TPGS1: variants seen among roughly 807,000 people sequenced by gnomAD.
TPGS1 encodes the protein tubulin polyglutamylase complex subunit 1.
TPGS1 carries 18 observed loss-of-function variants against 11.9 expected under a neutral mutation model. The ratio of observed to expected loss-of-function variants is 1.51; its 90% confidence interval spans 1.04 to 2.24. The LOEUF is 2.24. TPGS1 is among the 30% of genes most tolerant of loss of function. TPGS1 has a pLI of 0.00. For synonymous variants in TPGS1, 247 were observed against 218.2 expected (o/e 1.13, Z -1.16); for missense variants, 500 against 443.0 (o/e 1.13, Z -1.16).
Position 507,727 on chromosome 19 carries a change from T to G in TPGS1, c.221T>G (p.Met74Arg), listed in dbSNP as rs1978663424. The G allele has an allele frequency of 7.1e-7, 1 of 1,400,298 alleles. No homozygotes were observed. The highest frequency in any genetic ancestry group is 9.3e-7 in the Non-Finnish European group (1 of 1,073,306). 86.7% of individuals were successfully genotyped at this position (1,400,298 alleles called of 1,614,324 possible). A position where few individuals can be genotyped will look rare whatever the true frequency, so the allele number is the denominator to read the frequency against. The change falls in exon 1 of 2, where the codon ATG becomes AGG. Residue 74 changes from methionine to arginine, a missense_variant. Physicochemically the swap from Met to Arg is moderately conservative, Grantham distance 91. Transcript: ENST00000359315. ...TTCCTGGCTCACTACTTCGAGAACA[T>G]GGGCCTGCGCTCGCCTGTAAACGGC... ...IAFLAHYFEN[M>R]GLRSPVNGGA... is the part of the protein sequence containing the mutation.
At chr19:510,737 G>A (rs868029302) in intron 1 of TPGS1, among the ~76,000 whole-genome samples, 12 of 152,166 alleles carry the variant, frequency 7.9e-5, no homozygotes, top group African/African-American at 2.2e-4. Context: ...CAGCCACCAC[G>A]TTGCTCATCC....
Position 507,755 on chromosome 19 carries a change from C to T in TPGS1, c.249C>T (p.Gly83=). The T allele has an allele frequency of 7.2e-7, 1 of 1,394,942 alleles. No individual in the cohort carries two copies. Among genetic ancestry groups the T allele is most frequent in the South Asian group, 1.6e-5 (1 of 63,220 alleles). 86.4% of individuals were successfully genotyped at this position (1,394,942 alleles called of 1,614,324 possible). The change falls in exon 1 of 2, where the codon GGC becomes GGT. Residue 83 remains glycine, a synonymous_variant. Transcript: ENST00000359315. ...GCCTGCGCTCGCCTGTAAACGGCGGCGCCGGGGAGCCCCCGGGCCAGCTCC... is the reference window on the plus strand; with the variant it reads ...GCCTGCGCTCGCCTGTAAACGGCGGTGCCGGGGAGCCCCCGGGCCAGCTCC... ...NMGLRSPVNG[G]AGEPPGQLLL... is the part of the protein sequence containing the mutation.
At position 519,217 on chromosome 19, in the gene TPGS1, G is replaced by T. The variant is rs574484899; in HGVS notation, c.667G>T (p.Asp223Tyr). 2.3e-5 allele frequency: 32 copies of T among 1,419,462 alleles called. No homozygotes were observed. Among genetic ancestry groups the T allele is most frequent in the South Asian group, 3.0e-5 (2 of 67,776 alleles). The allele number at this position is 1,419,462 out of a possible 1,614,324, so 87.9% of individuals were successfully genotyped here. Residue 223 changes from aspartate to tyrosine, a missense_variant, in exon 2 of 2, where the codon GAC becomes TAC. Physicochemically the swap from Asp to Tyr is radical, Grantham distance 160 (BLOSUM62 -3). Transcript: ENST00000359315. ...CCGCCGCGTGGGCCAGGCCGTGCTG[G>T]ACACCCTGGAGGGCGCGCTGCAGGC... ...ADRRVGQAVL[D>Y]TLEGALQASD...
intron 1 of TPGS1, among the ~76,000 whole-genome samples, chr19:513,171 G>A (rs1019373777): frequency 6.6e-6 from 1 of 152,336 alleles, no homozygotes; most frequent in African/African-American, 2.4e-5. Context: ...GAGGGGCCCC[G>A]GTGCGGCTCC....
chr19:507,679 C>A lies in TPGS1; in HGVS notation c.173C>A (p.Ala58Glu). 1.5e-6 allele frequency: 2 copies of A among 1,379,060 alleles called. No individual in the cohort carries two copies. Among genetic ancestry groups the A allele is most frequent in the Non-Finnish European group, 9.5e-7 (1 of 1,055,856 alleles). The allele number at this position is 1,379,060 out of a possible 1,614,324, so 85.4% of individuals were successfully genotyped here. A position where few individuals can be genotyped will look rare whatever the true frequency, so the allele number is the denominator to read the frequency against. ...GCGGCCCTGCTGAAGGTGCTGGAGG[C>A]GCGGCCCGAGGAGCCGATCGCCTTC... ...LRAALLKVLE[A>E]RPEEPIAFLA... Residue 58 changes from alanine to glutamate, a missense_variant, in exon 1 of 2, where the codon GCG becomes GAG. By Grantham distance (107) the Ala-to-Glu change is moderately radical (BLOSUM62 -1). Coordinates refer to ENST00000359315, the MANE Select transcript of TPGS1 (RefSeq NM_033513.3).
At chr19:508,448 A>G (rs540500662) in intron 1 of TPGS1, 1 of 152,402 alleles carries the variant, frequency 6.6e-6, no homozygotes, top group African/African-American at 2.4e-5. Flanking sequence ...TGGCTGAAGC[A>G]TGCGAGGCTG....
intron 1 of TPGS1, among the ~76,000 whole-genome samples, chr19:512,977 G>A (rs1401130856): frequency 6.6e-6 from 1 of 152,208 alleles, no homozygotes; most frequent in South Asian, 2.1e-4. Context: ...GCCGCCTCGC[G>A]TCGAGCCCCG....
chr19:516,043 AAAAAGGAAGAAAG>A (rs1442584752), intron 1 of TPGS1, among the ~76,000 whole-genome samples: 1 of 131,338 alleles, frequency 7.6e-6, no homozygotes, highest in African/African-American at 2.5e-5. Flanking sequence ...AAAAAAAAAA[AAAAAGGAAGAAAG>A]AAAGAAAGAA....
chr19:513,766 C>T (rs1371739720), intron 1 of TPGS1, among the ~76,000 whole-genome samples: 1 of 151,738 alleles, frequency 6.6e-6, no homozygotes, highest in Non-Finnish European at 1.5e-5. Context: ...CACACCAGCC[C>T]AGCATTACTG....
At position 512,687 on chromosome 19, in the gene TPGS1, C is replaced by T. The variant is rs112926602; in HGVS notation, c.338+4843C>T. Among the ~76,000 whole-genome samples the T allele has an allele frequency of 1.8e-3, 279 of 152,356 alleles. 1 individual carries two copies. Among genetic ancestry groups the T allele is most frequent in the African/African-American group, 6.5e-3 (270 of 41,592 alleles). On this transcript the variant is annotated intron_variant, in intron 1 of 1. Coordinates refer to ENST00000359315, the MANE Select transcript of TPGS1 (RefSeq NM_033513.3). Reference sequence around the variant, plus strand: ...GGAGGGATCCGCGGAGCAGCGCTGCCGTCGCCAGCCTTCGAGATGCCCCTG... The same window carrying T: ...GGAGGGATCCGCGGAGCAGCGCTGCTGTCGCCAGCCTTCGAGATGCCCCTG...
At chr19:517,296 TTGCAGAGGCCC>T (rs1056232447) in intron 1 of TPGS1, among the ~76,000 whole-genome samples, 6 of 138,978 alleles carry the variant, frequency 4.3e-5, no homozygotes, top group African/African-American at 1.7e-4. Flanking sequence ...GTCACGGCCC[TTGCAGAGGCCC>T]TGAGGCCGGT....
chr19:507,946 G>A (rs763848502), intron 1 of TPGS1, 102 bp downstream of exon 1: 41 of 963,044 alleles, frequency 4.3e-5, no homozygotes, highest in Non-Finnish European at 5.5e-5. Context: ...AGGGGCCCGG[G>A]GCTTGCTGGG....
intron 1 of TPGS1, among the ~76,000 whole-genome samples, chr19:514,141 T>C (rs2145833377): frequency 6.6e-6 from 1 of 150,454 alleles, no homozygotes; most frequent in South Asian, 2.1e-4. Context: ...AGCCCTGTAT[T>C]ACTGAGCACC....
At chr19:516,448 C>G (rs1013844792) in intron 1 of TPGS1, among the ~76,000 whole-genome samples, 1 of 151,654 alleles carries the variant, frequency 6.6e-6, no homozygotes, top group Non-Finnish European at 1.5e-5. Flanking sequence ...GCAGTGGCGC[C>G]ATCTTGGCTC....
chr19:513,208 G>A (rs564739284), intron 1 of TPGS1, among the ~76,000 whole-genome samples: 2 of 152,356 alleles, frequency 1.3e-5, no homozygotes, highest in East Asian at 3.9e-4. Context: ...GAGGTCAGGC[G>A]TGATGGGAGC....
In TPGS1 at chr19:519,203, G is replaced by A; in HGVS notation, c.653G>A (p.Gly218Asp). 2.7e-6 allele frequency: 4 copies of A among 1,465,754 alleles called. No homozygotes were observed. The highest frequency in any genetic ancestry group is 2.7e-6 in the Non-Finnish European group (3 of 1,116,540). 90.8% of individuals were successfully genotyped at this position (1,465,754 alleles called of 1,614,324 possible). A position where few individuals can be genotyped will look rare whatever the true frequency, so the allele number is the denominator to read the frequency against. The change falls in exon 2 of 2, where the codon GGC becomes GAC. Residue 218 changes from glycine to aspartate, a missense_variant. Gly to Asp is a moderately conservative substitution (Grantham distance 94). Transcript: ENST00000359315. ...GCCGCCGTGGCCGACCGCCGCGTGG[G>A]CCAGGCCGTGCTGGACACCCTGGAG... ...SAAAVADRRV[G>D]QAVLDTLEGA...
rs900984739 is a variant in TPGS1 at position 519,084 on chromosome 19, G to A, written c.534G>A (p.Leu178=). Residue 178 remains leucine, a synonymous_variant, in exon 2 of 2, where the codon CTG becomes CTA. Coordinates refer to ENST00000359315, the MANE Select transcript of TPGS1 (RefSeq NM_033513.3). ...VQCRDHEAVP[L]SVFRAGTLTC... ...GCCGTGACCACGAGGCGGTGCCGCT[G>A]AGCGTCTTCCGCGCGGGCACACTCA... 4.6e-6 allele frequency: 7 copies of A among 1,533,738 alleles called. No individual in the cohort carries two copies. The highest frequency in any genetic ancestry group is 2.0e-5 in the Admixed American group (1 of 51,106).
At chr19:510,891 C>T (rs1371019143) in intron 1 of TPGS1, among the ~76,000 whole-genome samples, 1 of 152,226 alleles carries the variant, frequency 6.6e-6, no homozygotes, top group Non-Finnish European at 1.5e-5. Context: ...GAGCAGCGTC[C>T]CTGGCCTCCA....
intron 1 of TPGS1, among the ~76,000 whole-genome samples, chr19:514,423 C>T (rs140032608): frequency 4.0e-5 from 6 of 151,768 alleles, no homozygotes; most frequent in African/African-American, 1.5e-4. Context: ...TATTGCACAC[C>T]AGCCCCACAT....
Sources: gnomAD v4.1 joint callset for allele counts (sites outside exome capture counted in the v4.1 genomes callset) on GRCh38, gnomAD v4.1.1 for gene constraint, MANE v1.5 for transcripts, NCBI Gene and HGNC (gene_info 2026-07-23, HGNC 2026-07-21) for gene names.